The following GATAD2B variants were observed in gnomAD, a reference collection of about 807,000 sequenced individuals.
The protein encoded by GATAD2B is GATA zinc finger domain containing 2B, also known as transcriptional repressor p66-beta.
Under a neutral mutation model 64.3 loss-of-function variants are expected in GATAD2B, and 8 were observed. The observed-to-expected ratio is 0.12, with a 90% confidence interval of 0.07 to 0.22. The LOEUF (loss-of-function observed/expected upper bound fraction) is 0.22. GATAD2B is among the 10% of genes least tolerant of loss of function. The pLI is 1.00. For synonymous variants in GATAD2B, 281 were observed against 271.3 expected (o/e 1.04, Z -0.35); for missense variants, 453 against 752.0 (o/e 0.60, Z 4.65).
intron 7 of GATAD2B, among the ~76,000 whole-genome samples, chr1:153,815,299 A>C (rs1485426718): frequency 8.1e-5 from 12 of 148,876 alleles, no homozygotes; most frequent in African/African-American, 2.4e-4. Flanking sequence ...AAAACAAAAA[A>C]AAAAAAAAGA....
At chr1:153,859,687 A>T (rs1045952463) in intron 1 of GATAD2B, among the ~76,000 whole-genome samples, 27 of 151,864 alleles carry the variant, frequency 1.8e-4, no homozygotes, top group Admixed American at 5.3e-4. Context: ...AATAATAAAA[A>T]AAAAAAAAGA....
At position 153,813,423 on chromosome 1, in the gene GATAD2B, C is replaced by G. The variant is rs1674357381; in HGVS notation, c.1246G>C (p.Glu416Gln). 3 of 1,614,096 alleles carry G rather than the reference C, an allele frequency of 1.9e-6. No homozygotes were observed. The highest frequency in any genetic ancestry group is 2.5e-6 in the Non-Finnish European group (3 of 1,179,996). The change falls in exon 8 of 11, where the codon GAA becomes CAA. Residue 416 changes from glutamate (E) to glutamine (Q), a missense_variant. Glu to Gln is a conservative substitution (Grantham distance 29). Transcript: ENST00000368655. ...GKSCASLLRV[E>Q]PFVCAQCRTD... Reference sequence around the variant, plus strand: ...CGGCACTGGGCACATACAAAGGGTTCAACCCGCAGAAGTGAGGCACAGCTT... The same window carrying G: ...CGGCACTGGGCACATACAAAGGGTTGAACCCGCAGAAGTGAGGCACAGCTT...
intron 1 of GATAD2B, among the ~76,000 whole-genome samples, chr1:153,842,953 C>CA (rs1675549198): frequency 7.5e-6 from 1 of 133,364 alleles, no homozygotes; most frequent in Admixed American, 8.3e-5. Context: ...CCTCGCCCAG[C>CA]CTTTTTTTTT....
Position 153,809,574 on chromosome 1 carries a change from C to G in GATAD2B, c.*603G>C, listed in dbSNP as rs1402011420. ...GCTATTCGTCCTTCTTTGATACCCC[C>G]CACCCTGCGCCCTCCTCCGGTTAAG... On this transcript the variant is annotated 3_prime_UTR_variant, in exon 11 of 11. Transcript: ENST00000368655. 6.6e-6 allele frequency: 1 copy of G among 152,478 alleles called. No individual in the cohort carries two copies. Among genetic ancestry groups the G allele is most frequent in the African/African-American group, 2.4e-5 (1 of 41,364 alleles). 9.4% of individuals were successfully genotyped at this position (152,478 alleles called of 1,614,324 possible). A position where few individuals can be genotyped will look rare whatever the true frequency, so the allele number is the denominator to read the frequency against.
chr1:153,876,114 G>A (rs1377932675), intron 1 of GATAD2B, among the ~76,000 whole-genome samples: 1 of 151,546 alleles, frequency 6.6e-6, no homozygotes, highest in East Asian at 1.9e-4. Flanking sequence ...TGTAGTCCCA[G>A]CTACTCAGTA....
rs1370696242 is a variant in GATAD2B, at chr1:153,876,206, C to A, written c.-2+46527G>T. On this transcript the variant is annotated intron_variant, in intron 1 of 10. Transcript: ENST00000368655. Reference sequence around the variant, plus strand: ...TCGCGCCACTACACTCCAGCCTGGGCAACACAGTGAGACTTCGTCTCAAAA... The same window carrying A: ...TCGCGCCACTACACTCCAGCCTGGGAAACACAGTGAGACTTCGTCTCAAAA... Among the ~76,000 whole-genome samples, 5 of 111,836 alleles carry A rather than the reference C, an allele frequency of 4.5e-5. No homozygotes were observed. The East Asian group carries it at 1.5e-3, about 33-fold the overall frequency. The allele number at this position is 111,836 out of a possible 152,430, so 73.4% of individuals were successfully genotyped here.
intron 1 of GATAD2B, among the ~76,000 whole-genome samples, chr1:153,858,396 C>T (rs926329630): frequency 5.9e-5 from 9 of 151,884 alleles, no homozygotes; most frequent in South Asian, 2.1e-4. Flanking sequence ...ACAAAAAACA[C>T]GAGTTCAAGA....
intron 2 of GATAD2B, among the ~76,000 whole-genome samples, chr1:153,820,974 A>ATTTTTTTTTTTTTTTTTTTTTTTTTTT (rs869096882): frequency 2.0e-5 from 1 of 50,840 alleles, no homozygotes; most frequent in African/African-American, 8.7e-5. Context: ...GGCACATGGA[A>ATTTTTTTTTTTTTTTTTTTTTTTTTTT]TTTTTTTTTT....
chr1:153,869,502 C>T (rs1676591173), intron 1 of GATAD2B, among the ~76,000 whole-genome samples: 1 of 152,076 alleles, frequency 6.6e-6, no homozygotes, highest in Non-Finnish European at 1.5e-5. Context: ...TTCAAACTGT[C>T]CCAGATCTGG....
At position 153,816,281 on chromosome 1, in the gene GATAD2B, T is replaced by C; in HGVS notation, c.1208A>G (p.Asp403Gly). The C allele has an allele frequency of 6.2e-7, 1 of 1,609,016 alleles. No homozygotes were observed. Among genetic ancestry groups the C allele is most frequent in the Non-Finnish European group, 8.5e-7 (1 of 1,175,500 alleles). The change falls in exon 7 of 11, where the codon GAC becomes GGC. Residue 403 changes from aspartate to glycine, a missense_variant. Coordinates refer to ENST00000368655, the MANE Select transcript of GATAD2B (RefSeq NM_020699.4). This position sits in a 1 kb window ranked among gnomAD's most constrained non-coding sequence, Gnocchi z 4.9. ...AGAAGAAACAGCCTTACCTTGGCTG[T>C]CAATGACACTCTGTACGACTTCTTC... ...GLEEVVQSVIDSQGKSCASLL... is the reference protein window; with the variant it reads ...GLEEVVQSVIGSQGKSCASLL...
At chr1:153,838,433 T>A (rs1675352044) in intron 1 of GATAD2B, among the ~76,000 whole-genome samples, 1 of 151,798 alleles carries the variant, frequency 6.6e-6, no homozygotes, top group Non-Finnish European at 1.5e-5. Context: ...TGAGATGGAG[T>A]TTTTGCTCTG....
intron 1 of GATAD2B, among the ~76,000 whole-genome samples, chr1:153,865,452 C>A (rs375478828): frequency 1.3e-5 from 2 of 152,014 alleles, no homozygotes; most frequent in South Asian, 4.2e-4. Flanking sequence ...CAGAGTGAGA[C>A]TCCATCTCAA....
chr1:153,814,991 G>A (rs1570925404), intron 7 of GATAD2B, among the ~76,000 whole-genome samples: 1 of 123,864 alleles, frequency 8.1e-6, no homozygotes, highest in Admixed American at 9.6e-5. Flanking sequence ...AAAAAAAAAA[G>A]AATTGCTTGA....
chr1:153,822,489 A>G (rs993919923), intron 2 of GATAD2B, among the ~76,000 whole-genome samples: 1 of 152,198 alleles, frequency 6.6e-6, no homozygotes, highest in Non-Finnish European at 1.5e-5. Context: ...TTAGGTAGAT[A>G]GCACAGATAA....
chr1:153,921,543 T>G (rs1678428152), intron 1 of GATAD2B, among the ~76,000 whole-genome samples: 1 of 152,092 alleles, frequency 6.6e-6, no homozygotes, highest in Non-Finnish European at 1.5e-5. Context: ...TTAAGTATCC[T>G]TCGCCTCTGC....
chr1:153,888,184 C>T (rs954015114), intron 1 of GATAD2B, among the ~76,000 whole-genome samples: 2 of 151,868 alleles, frequency 1.3e-5, no homozygotes, highest in Non-Finnish European at 2.9e-5. Context: ...ATTTATCATA[C>T]AGCACAAGAT....
chr1:153,860,870 T>G (rs1676256514), intron 1 of GATAD2B, among the ~76,000 whole-genome samples: 2 of 152,152 alleles, frequency 1.3e-5, no homozygotes, highest in African/African-American at 4.8e-5. Context: ...GAGGCTGCTC[T>G]TGAACTCCTG....
At chr1:153,906,841 A>G (rs915743545) in intron 1 of GATAD2B, among the ~76,000 whole-genome samples, 3 of 152,226 alleles carry the variant, frequency 2.0e-5, no homozygotes, top group Admixed American at 2.0e-4. Flanking sequence ...AAGGATCTGA[A>G]TAGACATGTC....
chr1:153,823,648 C>T (rs1674761135), intron 2 of GATAD2B, among the ~76,000 whole-genome samples: 1 of 152,004 alleles, frequency 6.6e-6, no homozygotes, highest in East Asian at 1.9e-4. Flanking sequence ...CTGCACCCAG[C>T]CCTTTCCTCT....
Sources: allele counts gnomAD v4.1 joint callset (sites outside exome capture counted in the v4.1 genomes callset), GRCh38; gene constraint gnomAD v4.1.1; non-coding constraint Gnocchi (gnomAD v3.1); transcripts MANE v1.5; gene names NCBI Gene and HGNC (gene_info 2026-07-23, HGNC 2026-07-21).